The following KLB variants were observed in gnomAD, a reference collection of about 807,000 sequenced individuals.
The protein encoded by KLB is beta-klotho.
A neutral mutation model predicts 88.4 loss-of-function variants in KLB; 44 were observed. That is an observed-to-expected ratio of 0.50 (90% CI 0.39 to 0.64). The LOEUF is 0.64. Among genes scored for constraint, KLB ranks in the 30% least tolerant of loss-of-function variants. The pLI, the probability that KLB is intolerant of heterozygous loss-of-function variation, is 0.00. For synonymous variants in KLB, 548 were observed against 513.4 expected (o/e 1.07, Z -0.91); for missense variants, 1,137 against 1,304.8 (o/e 0.87, Z 1.98).
chr4:39,424,023 T>A (rs1190945225), intron 1 of KLB, among the ~76,000 whole-genome samples: 7 of 151,732 alleles, frequency 4.6e-5, no homozygotes, highest in Admixed American at 3.3e-4. Flanking sequence ...AATGAGCATT[T>A]ATTTAGAATG....
rs556589722 is a variant in KLB at position 39,450,769 on chromosome 4, A to G, written c.*2083A>G. The G allele has an allele frequency of 3.3e-5, 5 of 152,024 alleles. No homozygotes were observed. Among genetic ancestry groups the G allele is most frequent in the Admixed American group, 6.6e-5 (1 of 15,234 alleles). The allele number at this position is 152,024 out of a possible 1,614,324, so 9.4% of individuals were successfully genotyped here. A position where few individuals can be genotyped will look rare whatever the true frequency, so the allele number is the denominator to read the frequency against. ...GGCTGGGTTTTTTCCCCTTTGTGCCACATTGATTCACCCTGACCCAAGAAC... is the reference window on the plus strand; with the variant it reads ...GGCTGGGTTTTTTCCCCTTTGTGCCGCATTGATTCACCCTGACCCAAGAAC... On this transcript the variant is annotated 3_prime_UTR_variant, in exon 5 of 5. Coordinates refer to ENST00000257408, the MANE Select transcript of KLB (RefSeq NM_175737.4).
rs767539660 is a variant in KLB, at chr4:39,434,491, C to A, written c.1107C>A (p.Phe369Leu). 5 of 1,614,164 alleles carry A rather than the reference C, an allele frequency of 3.1e-6. No individual in the cohort carries two copies. The highest frequency in any genetic ancestry group is 1.7e-5 in the Admixed American group (1 of 60,016). ...EKHEMRGTAD[F>L]FAFSFGPNNF... is the part of the protein sequence containing the mutation. ...ATGAGATGAGAGGCACAGCTGATTT[C>A]TTTGCCTTTTCTTTTGGACCCAACA... Residue 369 changes from phenylalanine to leucine, a missense_variant, in exon 2 of 5, where the codon TTC (phenylalanine) becomes TTA (leucine). Phe to Leu is a conservative substitution (Grantham distance 22). Around this residue, in one of 4 missense-constraint regions of KLB, gnomAD observed 597 missense variants for 765.2 expected, o/e 0.78. Transcript: ENST00000257408.
intron 3 of KLB, chr4:39,441,903 T>A (rs1743606096): frequency 6.6e-6 from 1 of 152,130 alleles, no homozygotes. Context: ...AAACTAGATG[T>A]CCTCTATAGG....
intron 1 of KLB, among the ~76,000 whole-genome samples, chr4:39,432,968 T>C (rs1479416495): frequency 1.9e-5 from 2 of 106,930 alleles, no homozygotes; most frequent in Non-Finnish European, 4.8e-5. Context: ...AACCTCTGCC[T>C]TCCCGGGTTC....
chr4:39,440,576 T>G (rs1288458983), intron 3 of KLB, among the ~76,000 whole-genome samples: 3 of 152,172 alleles, frequency 2.0e-5, no homozygotes, highest in African/African-American at 7.2e-5. Flanking sequence ...GGATATTTAC[T>G]TATATTTATA....
intron 1 of KLB, among the ~76,000 whole-genome samples, chr4:39,416,306 G>A (rs991297251): frequency 6.6e-6 from 1 of 151,914 alleles, no homozygotes; most frequent in African/African-American, 2.4e-5. Context: ...TGTGTATTAT[G>A]ACAATTTCCA....
chr4:39,446,427 G>C lies in KLB; in HGVS notation c.1701G>C (p.Val567=), dbSNP rs373944576. ...GACTGTTGCACCGAGTGGAAGGGGT[G>C]AGGCTGAAAACACGACCCGCTCAAT... is the stretch of plus-strand genomic sequence containing the variant. ...GNRLLHRVEG[V]RLKTRPAQCT... Residue 567 remains valine (V), a synonymous_variant, in exon 4 of 5, where the codon GTG becomes GTC. Transcript: ENST00000257408. The surrounding 1 kb of genome is among the most constrained non-coding windows in gnomAD (Gnocchi z 6.4). 6.2e-7 allele frequency: 1 copy of C among 1,614,240 alleles called. No individual in the cohort carries two copies. The highest frequency in any genetic ancestry group is 1.1e-5 in the South Asian group (1 of 91,090).
intron 1 of KLB, among the ~76,000 whole-genome samples, chr4:39,421,574 A>AC (rs1199264126): frequency 2.0e-5 from 3 of 152,094 alleles, no homozygotes; most frequent in African/African-American, 7.2e-5. Flanking sequence ...ACACGGCAAG[A>AC]CCCCGTCTCT....
At chr4:39,419,828 C>T (rs1010630079) in intron 1 of KLB, among the ~76,000 whole-genome samples, 3 of 147,092 alleles carry the variant, frequency 2.0e-5, no homozygotes, top group Non-Finnish European at 3.0e-5. Flanking sequence ...CCTATAGTCC[C>T]AGCTGCTTAG....
At chr4:39,441,763 A>AACAT (rs1461351019) in intron 3 of KLB, 10 of 104,676 alleles carry the variant, frequency 9.6e-5, no homozygotes, top group African/African-American at 3.6e-4. Context: ...GGCTAGCCCA[A>AACAT]ACATAAATAA....
In KLB at chr4:39,407,110, C is replaced by G. The variant is rs147019582; in HGVS notation, c.161C>G (p.Ser54Cys). 5.0e-6 allele frequency: 8 copies of G among 1,614,030 alleles called. No homozygotes were observed. In the African/African-American group the frequency reaches 1.1e-4, roughly 22 times the overall value. Residue 54 changes from serine to cysteine, a missense_variant, in exon 1 of 5, where the codon TCT (serine) becomes TGT (cysteine). Ser to Cys is a moderately radical substitution (Grantham distance 112, BLOSUM62 -1). This residue lies in a region of KLB where 111 missense variants were observed against 118.3 expected (regional missense o/e 0.94). Coordinates refer to ENST00000257408, the MANE Select transcript of KLB (RefSeq NM_175737.4). Reference sequence around the variant, plus strand: ...CTGCTACGAGCTGTTACTGGATTCTCTGGAGATGGAAGAGCTATATGGTCT... The same window carrying G: ...CTGCTACGAGCTGTTACTGGATTCTGTGGAGATGGAAGAGCTATATGGTCT... ...LILLRAVTGF[S>C]GDGRAIWSKN...
At position 39,411,544 on chromosome 4, in the gene KLB, G is replaced by A. The variant is rs1578200122; in HGVS notation, c.825+3770G>A. ...TGGCCATTTTTTTTTTTTTAAGACA[G>A]AGTCTCACTCTGTCACCCAGGCTGG... is the stretch of plus-strand genomic sequence containing the variant. On this transcript the variant is annotated intron_variant, in intron 1 of 4. Transcript: ENST00000257408. 4.7e-5 allele frequency among the ~76,000 whole-genome samples: 7 copies of A among 148,856 alleles called. No homozygotes were observed. In the South Asian group the frequency reaches 1.5e-3, roughly 32 times the overall value.
chr4:39,439,528 C>T lies in KLB; in HGVS notation c.1605+1533C>T, dbSNP rs143496912. Among the ~76,000 whole-genome samples the T allele has an allele frequency of 1.9e-3, 288 of 151,998 alleles. 2 individuals are homozygous for T. The highest frequency in any genetic ancestry group is 6.4e-3 in the African/African-American group (264 of 41,446). ...TTGCCCAGGCTGGAGTGCAGCGGTGCGATTTTGGCTCATTGTAACCTCTGC... is the reference window on the plus strand; with the variant it reads ...TTGCCCAGGCTGGAGTGCAGCGGTGTGATTTTGGCTCATTGTAACCTCTGC... On this transcript the variant is annotated intron_variant, in intron 3 of 4. Coordinates refer to ENST00000257408, the MANE Select transcript of KLB (RefSeq NM_175737.4).
intron 1 of KLB, among the ~76,000 whole-genome samples, chr4:39,414,838 T>C (rs1487387147): frequency 2.4e-4 from 33 of 137,062 alleles, no homozygotes; most frequent in Non-Finnish European, 3.9e-4. Context: ...CACTGCACTC[T>C]AGCCTGGGTA....
intron 2 of KLB, among the ~76,000 whole-genome samples, chr4:39,436,130 G>A (rs1012258018): frequency 3.9e-5 from 6 of 152,210 alleles, no homozygotes; most frequent in East Asian, 3.8e-4. Flanking sequence ...CTGAGGTTAC[G>A]ATGGTTCTGT....
intron 1 of KLB, among the ~76,000 whole-genome samples, chr4:39,417,387 T>C (rs1283107504): frequency 6.6e-6 from 1 of 152,158 alleles, no homozygotes; most frequent in Non-Finnish European, 1.5e-5. Flanking sequence ...TGATCTCAGC[T>C]CACCGTAACC....
At chr4:39,443,648 C>G (rs1289931978) in intron 3 of KLB, among the ~76,000 whole-genome samples, 1 of 148,920 alleles carries the variant, frequency 6.7e-6, no homozygotes, top group African/African-American at 2.5e-5. Flanking sequence ...GTAATCCCAG[C>G]TACTTGGGAG....
chr4:39,439,683 G>A (rs1296218272), intron 3 of KLB, among the ~76,000 whole-genome samples: 10 of 145,900 alleles, frequency 6.9e-5, no homozygotes, highest in Admixed American at 4.1e-4. Flanking sequence ...TTTTGGAGAC[G>A]GAGCTTTATT....
At chr4:39,443,514 G>T (rs1442966589) in intron 3 of KLB, among the ~76,000 whole-genome samples, 1 of 151,660 alleles carries the variant, frequency 6.6e-6, no homozygotes, top group Non-Finnish European at 1.5e-5. Context: ...GGAGGCCGAG[G>T]CGGGCGTATC....
Sources: allele counts gnomAD v4.1 joint callset (sites outside exome capture counted in the v4.1 genomes callset), GRCh38; gene constraint gnomAD v4.1.1; regional missense constraint gnomAD v4.1.1; non-coding constraint Gnocchi (gnomAD v3.1); transcripts MANE v1.5; gene names NCBI Gene and HGNC (gene_info 2026-07-23, HGNC 2026-07-21).